TRAPPC9: variants seen among roughly 807,000 people sequenced by gnomAD.
TRAPPC9 encodes trafficking protein particle complex subunit 9, also known as IKK2 binding protein.
TRAPPC9 carries 83 observed loss-of-function variants against 124.0 expected under a neutral mutation model. That is an observed-to-expected ratio of 0.67 (90% CI 0.56 to 0.80). The LOEUF is 0.80. TRAPPC9 is among the 30% of genes least tolerant of loss of function. The pLI is 0.00. For missense variants in TRAPPC9, 1,302 were observed against 1,508.3 expected, an observed-to-expected ratio of 0.86 and a Z score of 2.27; for synonymous variants, 638 against 617.5, an observed-to-expected ratio of 1.03 and a Z score of -0.49.
chr8:140,290,957 T>C (rs1226233643), intron 12 of TRAPPC9, 36 bp downstream of exon 12: 3 of 1,567,878 alleles, frequency 1.9e-6, no homozygotes, highest in Non-Finnish European at 2.6e-6. Context: ...AGTTTGTATG[T>C]TAGCCCAAAA....
chr8:139,803,321 G>C (rs1823693417), intron 21 of TRAPPC9, among the ~76,000 whole-genome samples: 1 of 152,252 alleles, frequency 6.6e-6, no homozygotes, highest in Admixed American at 6.5e-5. Context: ...AGAGCGGCGA[G>C]TCCTGCAGCC....
chr8:140,026,657 T>C (rs1840167149), intron 17 of TRAPPC9, among the ~76,000 whole-genome samples: 1 of 152,126 alleles, frequency 6.6e-6, no homozygotes, highest in Admixed American at 6.5e-5. Context: ...TCTATTTGAG[T>C]CCTTCAGTCT....
chr8:140,437,661 C>T (rs982957358), intron 3 of TRAPPC9, among the ~76,000 whole-genome samples: 2 of 152,176 alleles, frequency 1.3e-5, no homozygotes, highest in Non-Finnish European at 2.9e-5. Flanking sequence ...ATATGTTCTA[C>T]GGCACCTCGT....
At chr8:140,452,046 G>A (rs190781985) in intron 1 of TRAPPC9, among the ~76,000 whole-genome samples, 4 of 151,754 alleles carry the variant, frequency 2.6e-5, no homozygotes, top group Admixed American at 1.3e-4. Flanking sequence ...ACTGGAACCC[G>A]GGAGGTGAAA....
At chr8:139,952,449 T>TA (rs1434508395) in intron 19 of TRAPPC9, among the ~76,000 whole-genome samples, 1 of 152,144 alleles carries the variant, frequency 6.6e-6, no homozygotes, top group Non-Finnish European at 1.5e-5. Context: ...ACGGAACTTT[T>TA]AAGGAAGACT....
chr8:140,296,004 C>T (rs1588112367), intron 11 of TRAPPC9, among the ~76,000 whole-genome samples: 1 of 152,146 alleles, frequency 6.6e-6, no homozygotes, highest in East Asian at 1.9e-4. Flanking sequence ...TGGTGAGAAG[C>T]CATACTATAA....
intron 20 of TRAPPC9, among the ~76,000 whole-genome samples, chr8:139,889,881 C>A (rs190370553): frequency 6.6e-6 from 1 of 152,182 alleles, no homozygotes; most frequent in East Asian, 1.9e-4. Flanking sequence ...AGCATGCAGC[C>A]GCCCTGTGTG....
rs533917857 is a variant in TRAPPC9 at position 140,004,234 on chromosome 8, C to T, written c.2700-15398G>A. Among the ~76,000 whole-genome samples, 10 of 152,210 alleles carry T rather than the reference C, an allele frequency of 6.6e-5. No homozygotes were observed. The South Asian group carries it at 1.9e-3, about 28-fold the overall frequency. ...CTAAGTGGCAGTGTGTGAAGTGTTG[C>T]GGGTAATGGAACTGTTCTTTATCCT... On this transcript the variant is annotated intron_variant, in intron 18 of 22. Transcript: ENST00000438773.
At chr8:140,233,450 C>T (rs1488263425) in intron 16 of TRAPPC9, among the ~76,000 whole-genome samples, 4 of 151,952 alleles carry the variant, frequency 2.6e-5, no homozygotes, top group Non-Finnish European at 2.9e-5. Flanking sequence ...GTGATCCACC[C>T]GCCTCAGCCT....
chr8:140,103,916 G>A (rs748389489), intron 17 of TRAPPC9, among the ~76,000 whole-genome samples: 13 of 152,228 alleles, frequency 8.5e-5, no homozygotes, highest in Non-Finnish European at 5.9e-5. Flanking sequence ...CCACCTGGGA[G>A]AGAGAGACAG....
chr8:140,190,489 G>A (rs140975321), intron 17 of TRAPPC9, among the ~76,000 whole-genome samples: 12 of 151,800 alleles, frequency 7.9e-5, no homozygotes, highest in African/African-American at 2.9e-4. Context: ...ACAAAACAAT[G>A]ACTAATCCCT....
chr8:140,034,551 C>T lies in TRAPPC9; in HGVS notation c.2557-10472G>A, dbSNP rs73357169. Among the ~76,000 whole-genome samples, 629 of 152,338 alleles carry T rather than the reference C, an allele frequency of 4.1e-3. 7 individuals are homozygous for T. Among genetic ancestry groups the T allele is most frequent in the African/African-American group, 0.013 (550 of 41,568 alleles). Reference sequence around the variant, plus strand: ...CCTTCAACAGAATAAAAGCTCACTGCGGGCAGGGACCATGCTCCATACCTA... The same window carrying T: ...CCTTCAACAGAATAAAAGCTCACTGTGGGCAGGGACCATGCTCCATACCTA... On this transcript the variant is annotated intron_variant, in intron 17 of 22. Transcript: ENST00000438773.
chr8:140,350,119 C>T (rs1214900700), intron 9 of TRAPPC9, among the ~76,000 whole-genome samples: 8 of 152,232 alleles, frequency 5.3e-5, no homozygotes, highest in African/African-American at 1.2e-4. Context: ...GTTAGGAAGA[C>T]GCGCCTTTCC....
At chr8:139,790,083 C>T (rs528173746) in intron 21 of TRAPPC9, among the ~76,000 whole-genome samples, 3 of 152,192 alleles carry the variant, frequency 2.0e-5, no homozygotes, top group Non-Finnish European at 2.9e-5. Flanking sequence ...GGTGTCTGTC[C>T]ATGCATCTGC....
In TRAPPC9 at chr8:139,916,875, T is replaced by C. The variant is rs556875410; in HGVS notation, c.2811-6575A>G. 1.2e-4 allele frequency among the ~76,000 whole-genome samples: 19 copies of C among 152,328 alleles called. No homozygotes were observed. In the South Asian group the frequency reaches 2.5e-3, roughly 20 times the overall value. ...ATTCAACTGAACTTTCATTGAGAGA[T>C]AGTTGTTAGTTATAAGACTAGCTTT... is the stretch of plus-strand genomic sequence containing the variant. On this transcript the variant is annotated intron_variant, in intron 19 of 22. Coordinates refer to ENST00000438773, the MANE Select transcript of TRAPPC9 (RefSeq NM_001160372.4).
intron 17 of TRAPPC9, among the ~76,000 whole-genome samples, chr8:140,139,538 C>A (rs539351572): frequency 3.3e-5 from 5 of 152,224 alleles, no homozygotes; most frequent in African/African-American, 1.2e-4. Flanking sequence ...CCCAAAGGCC[C>A]ATCAACAGCA....
chr8:140,012,557 T>C (rs58055770), intron 18 of TRAPPC9, among the ~76,000 whole-genome samples: 14,003 of 152,304 alleles, frequency 0.092, 1,983 homozygotes, highest in African/African-American at 0.3. Flanking sequence ...TTCTGTAACT[T>C]GCCCAACATG....
At chr8:139,838,576 AC>A (rs1826512509) in intron 21 of TRAPPC9, among the ~76,000 whole-genome samples, 1 of 151,774 alleles carries the variant, frequency 6.6e-6, no homozygotes, top group Admixed American at 6.6e-5. Flanking sequence ...CCTCTGAACC[AC>A]CCTGGCGGGT....
intron 21 of TRAPPC9, among the ~76,000 whole-genome samples, chr8:139,758,781 G>A (rs1465732323): frequency 2.6e-5 from 4 of 152,216 alleles, no homozygotes; most frequent in Admixed American, 2.6e-4. Flanking sequence ...TGGACAGGTA[G>A]CGAAACCGGG....
Sources: gnomAD v4.1 joint callset for allele counts (sites outside exome capture counted in the v4.1 genomes callset) on GRCh38, gnomAD v4.1.1 for gene constraint, MANE v1.5 for transcripts, NCBI Gene and HGNC (gene_info 2026-07-23, HGNC 2026-07-21) for gene names.